METTL15: variants seen among roughly 807,000 people sequenced by gnomAD.
The protein encoded by METTL15 is methyltransferase 15, mitochondrial 12S rRNA N4-cytidine, also known as 12S rRNA N(4)-cytidine methyltransferase METTL15.
Under a neutral mutation model 38.3 loss-of-function variants are expected in METTL15, and 34 were observed. The ratio of observed to expected loss-of-function variants is 0.89; its 90% CI spans 0.68 to 1.18. The LOEUF is 1.18. METTL15 is among the 50% of genes most tolerant of loss of function. METTL15 has a pLI of 0.00. For missense variants in METTL15, 438 were observed against 498.4 expected (o/e 0.88, Z 1.15); for synonymous variants, 162 against 170.9 (o/e 0.95, Z 0.41).
intron 3 of METTL15, among the ~76,000 whole-genome samples, chr11:28,168,788 T>A (rs1015970526): frequency 1.3e-5 from 2 of 152,110 alleles, no homozygotes; most frequent in Admixed American, 1.3e-4. Context: ...AAATGGTATT[T>A]ATCACACCAT....
chr11:28,492,808 A>G (rs1291325784), intron 6 of METTL15, among the ~76,000 whole-genome samples: 1 of 152,196 alleles, frequency 6.6e-6, no homozygotes, highest in Non-Finnish European at 1.5e-5. Context: ...GGCACCTAGT[A>G]TGGCGTCTAG....
At chr11:28,516,713 T>A (rs1055411294) in intron 6 of METTL15, 1 of 152,108 alleles carries the variant, frequency 6.6e-6, no homozygotes, top group Admixed American at 6.5e-5. Flanking sequence ...CTTAATCCCA[T>A]ATGAGGGACT....
chr11:28,437,252 A>G (rs368068956), intron 6 of METTL15, among the ~76,000 whole-genome samples: 37 of 152,310 alleles, frequency 2.4e-4, no homozygotes, highest in African/African-American at 8.2e-4. Flanking sequence ...CCTTGTGATC[A>G]TGGGAGTCGA....
intron 3 of METTL15, among the ~76,000 whole-genome samples, chr11:28,181,429 C>T (rs1190160842): frequency 6.6e-6 from 1 of 151,744 alleles, no homozygotes; most frequent in African/African-American, 2.4e-5. Flanking sequence ...CCTGACAGAA[C>T]CCTGTGTGTG....
intron 6 of METTL15, among the ~76,000 whole-genome samples, chr11:28,325,296 C>T (rs1383545693): frequency 5.9e-5 from 9 of 152,322 alleles, no homozygotes; most frequent in East Asian, 3.9e-4. Context: ...CATCCTACCT[C>T]GGCCTATCCT....
intron 5 of METTL15, among the ~76,000 whole-genome samples, chr11:28,380,979 G>T (rs1480388624): frequency 6.6e-6 from 1 of 151,808 alleles, no homozygotes; most frequent in Non-Finnish European, 1.5e-5. Context: ...TACTCTTAGT[G>T]TCCCTTTTGT....
chr11:28,479,257 G>T (rs1851374783), intron 6 of METTL15, among the ~76,000 whole-genome samples: 1 of 152,090 alleles, frequency 6.6e-6, no homozygotes, highest in Admixed American at 6.6e-5. Flanking sequence ...TTAACAGAAT[G>T]AATAAGAAAG....
chr11:28,346,532 T>C (rs1007277437), intron 3 of METTL15, among the ~76,000 whole-genome samples: 3 of 152,190 alleles, frequency 2.0e-5, no homozygotes, highest in Admixed American at 1.3e-4. Context: ...CTTTCTTTAA[T>C]GGGGTTTAGA....
chr11:28,363,778 AT>A (rs1850161867), intron 5 of METTL15, among the ~76,000 whole-genome samples: 1 of 152,098 alleles, frequency 6.6e-6, no homozygotes, highest in Non-Finnish European at 1.5e-5. Flanking sequence ...CAAGAAGTAT[AT>A]TTCCTAGGTT....
intron 5 of METTL15, among the ~76,000 whole-genome samples, chr11:28,290,598 A>C (rs558079452): frequency 1.3e-5 from 2 of 152,232 alleles, no homozygotes; most frequent in South Asian, 4.1e-4. Context: ...AAAAACAATG[A>C]TTGCCTTTAC....
intron 6 of METTL15, among the ~76,000 whole-genome samples, chr11:28,441,512 T>C (rs916621174): frequency 5.3e-5 from 8 of 152,178 alleles, no homozygotes; most frequent in African/African-American, 9.7e-5. Context: ...GATTCTACTG[T>C]CACCTTAAAC....
At chr11:28,153,283 G>A (rs997868611) in intron 3 of METTL15, among the ~76,000 whole-genome samples, 3 of 151,952 alleles carry the variant, frequency 2.0e-5, no homozygotes, top group Admixed American at 6.6e-5. Context: ...ACATAACTAC[G>A]CACATCCTCC....
chr11:28,465,041 A>G (rs907973078), intron 6 of METTL15, among the ~76,000 whole-genome samples: 2 of 152,140 alleles, frequency 1.3e-5, no homozygotes, highest in Admixed American at 6.5e-5. Flanking sequence ...TATGATCTGG[A>G]TCCTACCTTC....
At chr11:28,178,898 C>T (rs370403625) in intron 3 of METTL15, among the ~76,000 whole-genome samples, 1 of 151,782 alleles carries the variant, frequency 6.6e-6, no homozygotes, top group East Asian at 1.9e-4. Context: ...TTTTTGACAT[C>T]ATCAAGAAAA....
intron 4 of METTL15, among the ~76,000 whole-genome samples, chr11:28,231,117 G>A: frequency 6.6e-6 from 1 of 151,762 alleles, no homozygotes. Context: ...ACACTGTTTT[G>A]GGGCAGATAT....
chr11:28,312,730 T>C (rs948421550), intron 6 of METTL15, among the ~76,000 whole-genome samples: 2 of 152,086 alleles, frequency 1.3e-5, no homozygotes, highest in African/African-American at 4.8e-5. Flanking sequence ...TGTCATCTCA[T>C]GGCAGAAAGG....
intron 5 of METTL15, among the ~76,000 whole-genome samples, chr11:28,391,816 A>G (rs1028007654): frequency 2.6e-5 from 4 of 152,206 alleles, no homozygotes; most frequent in African/African-American, 9.6e-5. Flanking sequence ...AAATTAATTC[A>G]AGATGGGTTA....
chr11:28,294,196 A>G (rs1443628602), intron 5 of METTL15, among the ~76,000 whole-genome samples: 3 of 152,168 alleles, frequency 2.0e-5, no homozygotes, highest in Non-Finnish European at 4.4e-5. Flanking sequence ...TGGGTTTGTC[A>G]TAGATAGCTC....
At chr11:28,389,358 TCTC>T (rs1850476732) in intron 5 of METTL15, among the ~76,000 whole-genome samples, 1 of 148,588 alleles carries the variant, frequency 6.7e-6, no homozygotes, top group South Asian at 2.2e-4. Context: ...ATTAGGTAAA[TCTC>T]CTAATGCTGT....
Sources: gnomAD v4.1 joint callset for allele counts (sites outside exome capture counted in the v4.1 genomes callset) on GRCh38, gnomAD v4.1.1 for gene constraint, MANE v1.5 for transcripts, NCBI Gene and HGNC (gene_info 2026-07-23, HGNC 2026-07-21) for gene names.